DYNC1I1: variants seen among roughly 807,000 people sequenced by gnomAD.
The protein encoded by DYNC1I1 is dynein cytoplasmic 1 intermediate chain 1.
DYNC1I1 carries 43 observed loss-of-function variants against 86.6 expected under a neutral mutation model. That is an observed-to-expected ratio of 0.50 (90% CI 0.39 to 0.64). The LOEUF is 0.64. DYNC1I1 is among the 30% of genes least tolerant of loss of function. DYNC1I1 has a pLI of 0.00. For synonymous variants in DYNC1I1, 262 were observed against 283.7 expected, an observed-to-expected ratio of 0.92 and a Z score of 0.77; for missense variants, 604 against 788.8, an observed-to-expected ratio of 0.77 and a Z score of 2.81.
At chr7:96,018,307 G>T (rs756746944) in intron 10 of DYNC1I1, among the ~76,000 whole-genome samples, 6 of 152,158 alleles carry the variant, frequency 3.9e-5, no homozygotes, top group Non-Finnish European at 7.3e-5. Context: ...ACAGTATATT[G>T]GTGTCAAAGT....
intron 16 of DYNC1I1, among the ~76,000 whole-genome samples, chr7:96,092,140 T>C (rs1394425456): frequency 1.3e-5 from 2 of 151,914 alleles, no homozygotes; most frequent in Non-Finnish European, 2.9e-5. Flanking sequence ...ATTATTTGTG[T>C]GGGTATTTCA....
chr7:95,986,965 T>G (rs1171123260), intron 8 of DYNC1I1, 91 bp from the exon 9 acceptor site: 1 of 1,122,856 alleles, frequency 8.9e-7, no homozygotes, highest in African/African-American at 1.5e-5. Context: ...CAGAGAGTAT[T>G]GTGTGCCAGG....
At chr7:95,932,952 C>T (rs1184768768) in intron 6 of DYNC1I1, among the ~76,000 whole-genome samples, 1 of 149,294 alleles carries the variant, frequency 6.7e-6, no homozygotes, top group African/African-American at 2.5e-5. Context: ...ACAATCATAG[C>T]TCATTTCAGC....
intron 6 of DYNC1I1, among the ~76,000 whole-genome samples, chr7:95,974,993 A>T (rs1584216288): frequency 6.6e-6 from 1 of 152,138 alleles, no homozygotes; most frequent in African/African-American, 2.4e-5. Flanking sequence ...GTGGTTAAAG[A>T]TCACAGACCC....
intron 16 of DYNC1I1, among the ~76,000 whole-genome samples, chr7:96,082,548 G>A (rs1449968959): frequency 2.0e-5 from 3 of 152,118 alleles, no homozygotes; most frequent in Admixed American, 1.3e-4. Flanking sequence ...CTGAAAAACA[G>A]ATTAGTTTAA....
intron 4 of DYNC1I1, among the ~76,000 whole-genome samples, chr7:95,825,653 A>G (rs561355906): frequency 1.3e-5 from 2 of 152,332 alleles, no homozygotes; most frequent in South Asian, 4.1e-4. Flanking sequence ...AATCACCTGG[A>G]AAGCTTTAAA....
In DYNC1I1 at chr7:95,804,820, G is replaced by C. The variant is rs1317706919; in HGVS notation, c.91G>C (p.Glu31Gln). Residue 31 changes from glutamate to glutamine, a missense_variant, in exon 2 of 17, where the codon GAG becomes CAG. Coordinates refer to ENST00000447467, the MANE Select transcript of DYNC1I1 (RefSeq NM_001135556.2). ...AGAAGAGAAGAAACGGAAGGAAGAG[G>C]AGAGGAAAAAGAAAGAGGTAAATCC... is the stretch of plus-strand genomic sequence containing the variant. ...IREEKKRKEE[E>Q]RKKKEADMQQ... 5.1e-6 allele frequency: 8 copies of C among 1,563,498 alleles called. No homozygotes were observed. The highest frequency in any genetic ancestry group is 6.9e-6 in the Non-Finnish European group (8 of 1,152,314).
intron 5 of DYNC1I1, among the ~76,000 whole-genome samples, chr7:95,839,140 C>T (rs1364260117): frequency 6.6e-6 from 1 of 152,112 alleles, no homozygotes; most frequent in African/African-American, 2.4e-5. Context: ...AAGCAATTCT[C>T]CTGCCTCAGC....
At chr7:96,106,218 T>C (rs561458010) in intron 16 of DYNC1I1, among the ~76,000 whole-genome samples, 4 of 152,242 alleles carry the variant, frequency 2.6e-5, no homozygotes, top group South Asian at 4.2e-4. Context: ...TTTTTTCTAA[T>C]ATAGGCCTTT....
intron 5 of DYNC1I1, among the ~76,000 whole-genome samples, chr7:95,869,550 T>G (rs1198805688): frequency 1.3e-5 from 2 of 152,172 alleles, no homozygotes; most frequent in Admixed American, 6.5e-5. Context: ...AATCCTGTAT[T>G]GCAAATGGAA....
At chr7:95,776,896 A>ACATTTTT (rs979884465) in intron 1 of DYNC1I1, among the ~76,000 whole-genome samples, 1 of 152,196 alleles carries the variant, frequency 6.6e-6, no homozygotes, top group African/African-American at 2.4e-5. Context: ...TGTAAGGTGG[A>ACATTTTT]CATTTTTCTC....
At chr7:96,090,999 G>A (rs1790825588) in intron 16 of DYNC1I1, among the ~76,000 whole-genome samples, 1 of 152,072 alleles carries the variant, frequency 6.6e-6, no homozygotes, top group Admixed American at 6.6e-5. Flanking sequence ...GTCGTTCAGT[G>A]GCTGTTTCAT....
At chr7:95,785,775 G>GTATGTATATATATA (rs55666459) in intron 1 of DYNC1I1, among the ~76,000 whole-genome samples, 17 of 124,860 alleles carry the variant, frequency 1.4e-4, no homozygotes, top group East Asian at 2.6e-4. Flanking sequence ...GTGTGTATGT[G>GTATGTATATATATA]TATATATATA....
At position 95,987,055 on chromosome 7, in the gene DYNC1I1, G is replaced by A. The variant is rs1321270208; in HGVS notation, c.744-1G>A. Reference sequence around the variant, plus strand: ...TATCTCTGATGTTTAAATCCTCCTAGGGATGTTCAGGCTGGAGCCAATCTT... The same window carrying A: ...TATCTCTGATGTTTAAATCCTCCTAAGGATGTTCAGGCTGGAGCCAATCTT... On this transcript the variant is annotated splice_acceptor_variant, in intron 8 of 16. Transcript: ENST00000447467. LOFTEE classifies it high-confidence loss of function. 1 of 1,613,498 alleles carries A rather than the reference G, an allele frequency of 6.2e-7. No homozygotes were observed. The highest frequency in any genetic ancestry group is 2.2e-5 in the East Asian group (1 of 44,846).
At chr7:95,816,672 G>A (rs1013569720) in intron 4 of DYNC1I1, among the ~76,000 whole-genome samples, 2 of 152,042 alleles carry the variant, frequency 1.3e-5, no homozygotes, top group Non-Finnish European at 2.9e-5. Context: ...TTGATATACT[G>A]TATGCAACTG....
chr7:95,984,891 G>A lies in DYNC1I1; in HGVS notation c.657G>A (p.Arg219=). ...AGGAATTTCTCATCTTTTTTGACCG[G>A]ACAATACGGGTAATTGAAAGAGCCC... ...HSEEFLIFFD[R]TIRVIERALA... is the part of the protein sequence containing the mutation. The change falls in exon 8 of 17, where the codon CGG becomes CGA. Residue 219 remains arginine, a synonymous_variant. Transcript: ENST00000447467. 1 of 1,613,482 alleles carries A rather than the reference G, an allele frequency of 6.2e-7. No individual in the cohort carries two copies.
chr7:95,822,169 T>A (rs1395338377), intron 4 of DYNC1I1, among the ~76,000 whole-genome samples: 1 of 152,172 alleles, frequency 6.6e-6, no homozygotes, highest in African/African-American at 2.4e-5. Context: ...GCCAAGGATA[T>A]TTTAAAATTT....
intron 5 of DYNC1I1, among the ~76,000 whole-genome samples, chr7:95,845,426 C>A (rs114555512): frequency 0.018 from 2,746 of 152,192 alleles, 73 homozygotes; most frequent in African/African-American, 0.062. Context: ...AGATGTAACC[C>A]CATTAGCCTT....
intron 7 of DYNC1I1, among the ~76,000 whole-genome samples, chr7:95,983,511 G>A (rs1052020958): frequency 6.6e-6 from 1 of 152,100 alleles, no homozygotes. Flanking sequence ...ATGGTCTGGG[G>A]CAGGGAAGGG....
Sources: gnomAD v4.1 joint callset for allele counts (sites outside exome capture counted in the v4.1 genomes callset) on GRCh38, gnomAD v4.1.1 for gene constraint, MANE v1.5 for transcripts, NCBI Gene and HGNC (gene_info 2026-07-23, HGNC 2026-07-21) for gene names.